BAALC: variants seen among roughly 807,000 people sequenced by gnomAD.
BAALC encodes brain and acute leukemia cytoplasmic protein.
In BAALC, 9 loss-of-function variants were observed where a neutral mutation model predicts 15.5. That is an observed-to-expected ratio of 0.58 (90% CI 0.35 to 1.02). The LOEUF is 1.02. Ranked by LOEUF, BAALC falls within the 50% of genes least tolerant of loss-of-function variation. BAALC has a pLI of 0.02. For missense variants in BAALC, 201 were observed against 192.4 expected (o/e 1.04, Z -0.27); for synonymous variants, 80 against 74.6 (o/e 1.07, Z -0.37).
chr8:103,169,330 A>G (rs1811425140), intron 1 of BAALC, among the ~76,000 whole-genome samples: 1 of 152,140 alleles, frequency 6.6e-6, no homozygotes, highest in Non-Finnish European at 1.5e-5. Flanking sequence ...CTTTCTGATT[A>G]TAACATTAAT....
chr8:103,193,828 A>G (rs1182204791), intron 1 of BAALC, among the ~76,000 whole-genome samples: 2 of 152,182 alleles, frequency 1.3e-5, no homozygotes, highest in East Asian at 3.9e-4. Flanking sequence ...CTGACTCCAA[A>G]AGCAGTGCCC....
At chr8:103,177,195 T>A (rs35756132) in intron 1 of BAALC, among the ~76,000 whole-genome samples, 2 of 65,240 alleles carry the variant, frequency 3.1e-5, no homozygotes, top group African/African-American at 4.7e-5. Flanking sequence ...GTTGTTTTGT[T>A]TTTTTTTTTT....
intron 1 of BAALC, among the ~76,000 whole-genome samples, chr8:103,199,180 T>C (rs1358872849): frequency 2.0e-5 from 3 of 152,214 alleles, no homozygotes; most frequent in Non-Finnish European, 4.4e-5. Context: ...CTGAAATTGC[T>C]GAGTTATTTT....
At position 103,140,814 on chromosome 8, in the gene BAALC, C is replaced by T; in HGVS notation, c.-84C>T. 2 of 1,200,184 alleles carry T rather than the reference C, an allele frequency of 1.7e-6. No homozygotes were observed. The highest frequency in any genetic ancestry group is 1.6e-5 in the African/African-American group (1 of 62,472). 74.3% of individuals were successfully genotyped at this position (1,200,184 alleles called of 1,614,324 possible). ...CGATGTCGCCGCCGCCGCCTCCTTG[C>T]GGGCCGGGGCTGCGCCTCCGGGGCT... is the stretch of plus-strand genomic sequence containing the variant. On this transcript the variant is annotated 5_prime_UTR_variant, in exon 1 of 3. Coordinates refer to ENST00000309982, the MANE Select transcript of BAALC (RefSeq NM_024812.3). This position sits in a 1 kb window ranked among gnomAD's most constrained non-coding sequence, Gnocchi z 4.2.
At chr8:103,183,612 G>C (rs565095402) in intron 1 of BAALC, among the ~76,000 whole-genome samples, 1 of 152,186 alleles carries the variant, frequency 6.6e-6, no homozygotes, top group Non-Finnish European at 1.5e-5. Flanking sequence ...GGACACTCAG[G>C]CTTCAGTATG....
chr8:103,180,852 G>A (rs1811710623), intron 1 of BAALC, among the ~76,000 whole-genome samples: 1 of 152,224 alleles, frequency 6.6e-6, no homozygotes, highest in Non-Finnish European at 1.5e-5. Flanking sequence ...TTGAATTCAG[G>A]TGACTCTGGA....
At chr8:103,199,744 T>C (rs531781835) in intron 1 of BAALC, among the ~76,000 whole-genome samples, 34 of 152,264 alleles carry the variant, frequency 2.2e-4, no homozygotes, top group African/African-American at 6.7e-4. Context: ...TTGTACAGAT[T>C]ATTTCATTAC....
Position 103,175,429 on chromosome 8 carries a change from A to G in BAALC, c.160+34372A>G, listed in dbSNP as rs549496712. The stretch of plus-strand genomic sequence containing the variant: ...TGTTTTATCATCATTTCTGAATGAT[A>G]TCCTTCTGTGAGGTTCCTGACATGA... On this transcript the variant is annotated intron_variant, in intron 1 of 2. Transcript: ENST00000309982. 4.3e-4 allele frequency among the ~76,000 whole-genome samples: 65 copies of G among 152,344 alleles called. 1 individual carries two copies. In the South Asian group the frequency reaches 0.013, roughly 31 times the overall value.
At chr8:103,223,271 G>A (rs1282335449) in intron 2 of BAALC, among the ~76,000 whole-genome samples, 5 of 152,176 alleles carry the variant, frequency 3.3e-5, no homozygotes, top group Admixed American at 6.5e-5. Flanking sequence ...TTGAGCCACT[G>A]CACTCCAGCC....
At chr8:103,150,438 C>CA (rs1810962881) in intron 1 of BAALC, among the ~76,000 whole-genome samples, 2 of 152,048 alleles carry the variant, frequency 1.3e-5, no homozygotes, top group African/African-American at 4.8e-5. Context: ...CCCTTGAGGT[C>CA]AGACAGGTTG....
intron 2 of BAALC, among the ~76,000 whole-genome samples, chr8:103,223,631 T>TCA (rs140121277): frequency 1.3e-5 from 2 of 151,690 alleles, no homozygotes; most frequent in African/African-American, 2.4e-5. Context: ...GGGATTACAA[T>TCA]TATATATATA....
intron 1 of BAALC, among the ~76,000 whole-genome samples, chr8:103,150,104 A>T (rs1219827151): frequency 6.6e-6 from 1 of 152,184 alleles, no homozygotes; most frequent in Non-Finnish European, 1.5e-5. Flanking sequence ...CTCACATGGC[A>T]GCAGACAAGA....
At chr8:103,188,449 AGGC>A (rs1443470198) in intron 1 of BAALC, among the ~76,000 whole-genome samples, 2 of 152,236 alleles carry the variant, frequency 1.3e-5, no homozygotes, top group East Asian at 1.9e-4. Flanking sequence ...GTTGAGGGAC[AGGC>A]GGCTGCACAT....
intron 1 of BAALC, among the ~76,000 whole-genome samples, chr8:103,185,415 A>G (rs886231520): frequency 2.6e-5 from 4 of 152,054 alleles, no homozygotes; most frequent in Non-Finnish European, 5.9e-5. Context: ...CTCATATCTT[A>G]TGTTTATCCC....
chr8:103,199,802 TC>T (rs1563651520), intron 1 of BAALC, among the ~76,000 whole-genome samples: 1 of 246 alleles, frequency 4.1e-3, no homozygotes, highest in African/African-American at 0.015. Context: ...TGATTTTTCC[TC>T]CCTCCCACCC....
chr8:103,144,879 G>A (rs559847445), intron 1 of BAALC, among the ~76,000 whole-genome samples: 55 of 152,244 alleles, frequency 3.6e-4, no homozygotes, highest in Non-Finnish European at 6.2e-4. Context: ...ACTGGGGCCT[G>A]GTGCTTTATT....
At chr8:103,198,524 C>G (rs1812144501) in intron 1 of BAALC, among the ~76,000 whole-genome samples, 1 of 152,008 alleles carries the variant, frequency 6.6e-6, no homozygotes, top group Non-Finnish European at 1.5e-5. Context: ...TGTTGGGCAT[C>G]TCTCTAGTTT....
At chr8:103,219,216 A>G (rs985552995) in intron 2 of BAALC, among the ~76,000 whole-genome samples, 1 of 152,214 alleles carries the variant, frequency 6.6e-6, no homozygotes, top group Non-Finnish European at 1.5e-5. Context: ...CAGTCAAACC[A>G]GTTCAACTGG....
intron 1 of BAALC, among the ~76,000 whole-genome samples, chr8:103,156,449 A>G (rs936500114): frequency 1.3e-5 from 2 of 152,190 alleles, no homozygotes; most frequent in African/African-American, 4.8e-5. Context: ...TTGAAGATCA[A>G]TTTCATCTTC....
Sources: gnomAD v4.1 joint callset for allele counts (sites outside exome capture counted in the v4.1 genomes callset) on GRCh38, gnomAD v4.1.1 for gene constraint, Gnocchi (gnomAD v3.1) non-coding constraint, MANE v1.5 for transcripts, NCBI Gene and HGNC (gene_info 2026-07-23, HGNC 2026-07-21) for gene names.